Variants in CCDC171 observed in about 807,000 individuals in gnomAD.
CCDC171 encodes coiled-coil domain-containing protein 171.
In CCDC171, 177 loss-of-function variants were observed where a neutral mutation model predicts 168.2. The observed-to-expected ratio is 1.05, with a 90% confidence interval of 0.93 to 1.19. The LOEUF (loss-of-function observed/expected upper bound fraction) is 1.19, where lower values mean the gene tolerates loss of function less well. CCDC171 is among the 50% of genes most tolerant of loss of function. CCDC171 has a pLI of 0.00. For synonymous variants in CCDC171, 687 were observed against 540.8 expected (o/e 1.27, Z -3.75); for missense variants, 1,991 against 1,539.0 (o/e 1.29, Z -4.91).
chr9:15,944,645 G>T (rs1455432046), intron 25 of CCDC171, among the ~76,000 whole-genome samples: 2 of 151,972 alleles, frequency 1.3e-5, no homozygotes, highest in African/African-American at 2.4e-5. Context: ...TAGGCATGCG[G>T]GTTTAAATGA....
chr9:15,631,015 C>G (rs1399415755), intron 7 of CCDC171, among the ~76,000 whole-genome samples: 1 of 151,872 alleles, frequency 6.6e-6, no homozygotes, highest in African/African-American at 2.4e-5. Context: ...GGGACACATT[C>G]AAAGCAGTGT....
At chr9:15,820,854 G>A (rs2059743261) in intron 21 of CCDC171, among the ~76,000 whole-genome samples, 1 of 116,808 alleles carries the variant, frequency 8.6e-6, no homozygotes, top group Admixed American at 8.1e-5. Flanking sequence ...GCATCATCCT[G>A]ATACCAAAGC....
chr9:15,962,746 C>CT lies in CCDC171; in HGVS notation c.3754-8855dup, dbSNP rs35511600. Among the ~76,000 whole-genome samples the CT allele has an allele frequency of 3.3e-5, 5 of 151,566 alleles. No homozygotes were observed. In the South Asian group the frequency reaches 8.4e-4, roughly 25 times the overall value. On this transcript the variant is annotated intron_variant, in intron 25 of 25. Coordinates refer to ENST00000380701, the MANE Select transcript of CCDC171 (RefSeq NM_173550.4). ...GAAAGAAAAATTTAACCTTTCAAACCTTTTTTTTCTACCCAAACTCTAATT... is the reference window on the plus strand; with the variant it reads ...GAAAGAAAAATTTAACCTTTCAAACCTTTTTTTTTCTACCCAAACTCTAATT...
At position 15,971,928 on chromosome 9, in the gene CCDC171, C is replaced by T; in HGVS notation, c.*92C>T. 9.2e-7 allele frequency: 1 copy of T among 1,090,014 alleles called. No homozygotes were observed. Among genetic ancestry groups the T allele is most frequent in the Non-Finnish European group, 1.4e-6 (1 of 734,770 alleles). 67.5% of individuals were successfully genotyped at this position (1,090,014 alleles called of 1,614,324 possible). On this transcript the variant is annotated 3_prime_UTR_variant, in exon 26 of 26. Coordinates refer to ENST00000380701, the MANE Select transcript of CCDC171 (RefSeq NM_173550.4). ...TCTTATCAGTTGACTTTTGTTTCAG[C>T]AGAAGTGGCAGTGGATTTAAAAAAT...
At chr9:16,075,661 C>CA in the CCDC171 span, among the ~76,000 whole-genome samples, 1 of 152,106 alleles carries the variant, frequency 6.6e-6, no homozygotes, top group Non-Finnish European at 1.5e-5. Context: ...AATGATAGCC[C>CA]ATCACCCCAA....
chr9:15,822,240 AC>A (rs1423442844), intron 21 of CCDC171, among the ~76,000 whole-genome samples: 1 of 152,072 alleles, frequency 6.6e-6, no homozygotes, highest in African/African-American at 2.4e-5. Flanking sequence ...CTAGAAGAAA[AC>A]CTAGGCAATA....
At chr9:15,960,690 A>T (rs139855639) in intron 25 of CCDC171, among the ~76,000 whole-genome samples, 458 of 152,334 alleles carry the variant, frequency 3.0e-3, no homozygotes, top group Non-Finnish European at 4.5e-3. Flanking sequence ...GTTTTAGAAC[A>T]TGTGCCCCAG....
At chr9:16,086,448 C>T in the CCDC171 span, among the ~76,000 whole-genome samples, 2 of 151,800 alleles carry the variant, frequency 1.3e-5, no homozygotes, top group African/African-American at 4.8e-5. Context: ...GCTGGGATTA[C>T]AGGTGTGCAC....
At chr9:15,558,752 A>G (rs1213537960) in intron 1 of CCDC171, among the ~76,000 whole-genome samples, 2 of 151,850 alleles carry the variant, frequency 1.3e-5, no homozygotes, top group African/African-American at 4.8e-5. Flanking sequence ...CTCTGATCTT[A>G]GTTATTTCTT....
intron 6 of CCDC171, among the ~76,000 whole-genome samples, chr9:15,598,883 G>T (rs1165331213): frequency 6.6e-6 from 1 of 152,092 alleles, no homozygotes; most frequent in Non-Finnish European, 1.5e-5. Context: ...TTGTTGAATT[G>T]ATCCCTTTAC....
At chr9:15,750,211 A>G (rs1381077733) in intron 18 of CCDC171, among the ~76,000 whole-genome samples, 1 of 152,200 alleles carries the variant, frequency 6.6e-6, no homozygotes, top group Non-Finnish European at 1.5e-5. Flanking sequence ...ATAAACTAGA[A>G]AATCTAGAAG....
At chr9:15,929,671 G>A (rs959695465) in intron 25 of CCDC171, among the ~76,000 whole-genome samples, 6 of 151,706 alleles carry the variant, frequency 4.0e-5, no homozygotes, top group African/African-American at 1.5e-4. Context: ...CTGGGCTATT[G>A]CAATGGTCTT....
intron 7 of CCDC171, among the ~76,000 whole-genome samples, chr9:15,642,231 C>A (rs1330671453): frequency 6.7e-6 from 1 of 150,162 alleles, no homozygotes; most frequent in Non-Finnish European, 1.5e-5. Context: ...GTATTATAGG[C>A]AAAGCTGTAT....
chr9:16,031,433 G>A (rs1236616165), intron 6 of CCDC171, among the ~76,000 whole-genome samples: 2 of 152,204 alleles, frequency 1.3e-5, no homozygotes, highest in African/African-American at 2.4e-5. Context: ...CCAACCAGCA[G>A]ATACACTCTT....
At chr9:16,001,188 A>G (rs1378194949) in intron 3 of CCDC171, among the ~76,000 whole-genome samples, 2 of 152,224 alleles carry the variant, frequency 1.3e-5, no homozygotes, top group African/African-American at 2.4e-5. Flanking sequence ...ACAGGAGTGC[A>G]TGATCTTGTA....
chr9:15,607,130 A>G (rs1483908009), intron 6 of CCDC171, among the ~76,000 whole-genome samples: 1 of 152,230 alleles, frequency 6.6e-6, no homozygotes, highest in Non-Finnish European at 1.5e-5. Flanking sequence ...ATATTTGAAC[A>G]TACAACCCCC....
chr9:15,764,399 G>A (rs932280976), intron 18 of CCDC171, among the ~76,000 whole-genome samples: 2 of 152,214 alleles, frequency 1.3e-5, no homozygotes, highest in African/African-American at 4.8e-5. Flanking sequence ...GCTTGGAATA[G>A]TATAACATCA....
chr9:15,589,346 C>A (rs1440081065), intron 4 of CCDC171, among the ~76,000 whole-genome samples: 2 of 152,186 alleles, frequency 1.3e-5, no homozygotes, highest in African/African-American at 2.4e-5. Context: ...GTGTATCAGG[C>A]AATCTGGACT....
At chr9:16,004,333 T>TGAAA (rs1216425479) in intron 3 of CCDC171, among the ~76,000 whole-genome samples, 1 of 152,034 alleles carries the variant, frequency 6.6e-6, no homozygotes, top group African/African-American at 2.4e-5. Flanking sequence ...GAAAAATAAC[T>TGAAA]GAAAGAAAGA....
Sources: allele counts gnomAD v4.1 joint callset (sites outside exome capture counted in the v4.1 genomes callset), GRCh38; gene constraint gnomAD v4.1.1; transcripts MANE v1.5; gene names NCBI Gene and HGNC (gene_info 2026-07-23, HGNC 2026-07-21).